ZPBP: variants seen among roughly 807,000 people sequenced by gnomAD.
The protein encoded by ZPBP is zona pellucida binding protein.
Under a neutral mutation model 44.8 loss-of-function variants are expected in ZPBP, and 26 were observed. That is an observed-to-expected ratio of 0.58 (90% confidence interval 0.43 to 0.81). ZPBP has a LOEUF of 0.81. ZPBP is among the 30% of genes least tolerant of loss of function. The probability of loss-of-function intolerance (pLI) is 0.00; values close to 1 mark genes in which losing one functional copy is unlikely to be tolerated. For synonymous variants in ZPBP, 174 were observed against 153.2 expected (o/e 1.14, Z -1.00); for missense variants, 409 against 434.0 (o/e 0.94, Z 0.51).
chr7:50,038,385 G>A (rs1403044496), intron 4 of ZPBP, among the ~76,000 whole-genome samples: 2 of 152,210 alleles, frequency 1.3e-5, no homozygotes, highest in Non-Finnish European at 2.9e-5. Context: ...GCAACACAGA[G>A]TCACCTAGGA....
intron 2 of ZPBP, among the ~76,000 whole-genome samples, chr7:49,855,669 C>T (rs1790387940): frequency 6.6e-6 from 1 of 152,116 alleles, no homozygotes; most frequent in East Asian, 1.9e-4. Context: ...TTTCTGGGGG[C>T]CTTGTGGTGG....
intron 2 of ZPBP, among the ~76,000 whole-genome samples, chr7:49,855,275 T>C (rs1309189038): frequency 6.6e-6 from 1 of 152,218 alleles, no homozygotes; most frequent in Non-Finnish European, 1.5e-5. Context: ...GGTCATAGTT[T>C]ATGGACGGTG....
chr7:49,859,784 G>A (rs1429790125), intron 2 of ZPBP, among the ~76,000 whole-genome samples: 7 of 71,482 alleles, frequency 9.8e-5, no homozygotes, highest in African/African-American at 3.4e-4. Flanking sequence ...TACAGTGCGC[G>A]TGCGTGCACA....
At chr7:49,846,389 C>T (rs1050253621), downstream of ZPBP, among the ~76,000 whole-genome samples, 10 of 152,338 alleles carry the variant, frequency 6.6e-5, no homozygotes, top group African/African-American at 2.4e-4. Flanking sequence ...GCTCCCAGAA[C>T]TACATGCAGG....
At chr7:49,865,396 G>C (rs759782271) in intron 2 of ZPBP, among the ~76,000 whole-genome samples, 2 of 152,228 alleles carry the variant, frequency 1.3e-5, no homozygotes, top group Admixed American at 6.5e-5. Context: ...CATGAGCACT[G>C]AATCAATTAG....
intron 3 of ZPBP, among the ~76,000 whole-genome samples, chr7:50,059,377 A>G (rs983694535): frequency 1.3e-5 from 2 of 152,198 alleles, no homozygotes; most frequent in African/African-American, 2.4e-5. Context: ...CCACCCTCAA[A>G]TAATTTACAT....
At chr7:50,062,306 T>C (rs746207396) in intron 3 of ZPBP, among the ~76,000 whole-genome samples, 4 of 152,154 alleles carry the variant, frequency 2.6e-5, no homozygotes, top group Admixed American at 6.6e-5. Flanking sequence ...AAATTTTTCA[T>C]AGATTAGAAA....
intron 7 of ZPBP, among the ~76,000 whole-genome samples, chr7:49,942,099 A>T (rs1794912053): frequency 6.6e-6 from 1 of 152,188 alleles, no homozygotes; most frequent in Admixed American, 6.6e-5. Context: ...CATATACAAA[A>T]ATTAACTCAA....
intron 7 of ZPBP, among the ~76,000 whole-genome samples, chr7:49,939,076 G>A (rs6583404): frequency 0.75 from 113,412 of 152,082 alleles, 42,534 homozygotes; most frequent in East Asian, 0.89. Flanking sequence ...AACAGTATTT[G>A]AATTGGTAAT....
At chr7:49,945,012 T>C (rs1483085) in intron 7 of ZPBP, among the ~76,000 whole-genome samples, 118,228 of 152,034 alleles carry the variant, frequency 0.78, 46,138 homozygotes, top group East Asian at 0.89. Context: ...GTACTGCTTT[T>C]GCTGTATCCC....
At chr7:49,962,284 T>C (rs898387528) in intron 7 of ZPBP, among the ~76,000 whole-genome samples, 2 of 151,878 alleles carry the variant, frequency 1.3e-5, no homozygotes, top group African/African-American at 4.8e-5. Context: ...ATTAAAAATA[T>C]ATTTTTAAAT....
At position 49,900,327 on chromosome 7, in the gene ZPBP, T is replaced by A. The variant is rs551959387; in HGVS notation, n.509+791A>T. 2.1e-4 allele frequency among the ~76,000 whole-genome samples: 32 copies of A among 151,806 alleles called. No individual in the cohort carries two copies. In the East Asian group the frequency reaches 5.8e-3, roughly 28 times the overall value. On this transcript the variant is annotated intron_variant and non_coding_transcript_variant, in intron 2 of 2. Coordinates refer to the ZPBP transcript ENST00000465922. ...CCAAAGAAAATAAATGGAGCAGTAA[T>A]CTATTAATTTAAAACAGGAAAACAA...
intron 7 of ZPBP, among the ~76,000 whole-genome samples, chr7:49,964,725 T>C (rs1795993270): frequency 6.6e-6 from 1 of 152,134 alleles, no homozygotes; most frequent in Admixed American, 6.6e-5. Flanking sequence ...CCAAATGGCA[T>C]GTTCCAAAGA....
At chr7:49,973,111 T>C (rs775324877) in intron 7 of ZPBP, among the ~76,000 whole-genome samples, 9 of 151,964 alleles carry the variant, frequency 5.9e-5, no homozygotes, top group African/African-American at 1.9e-4. Flanking sequence ...ACTTTAAAAC[T>C]CTTAGAAAGC....
intron 4 of ZPBP, among the ~76,000 whole-genome samples, chr7:50,032,134 T>C (rs1276920928): frequency 6.6e-6 from 1 of 152,314 alleles, no homozygotes; most frequent in South Asian, 2.1e-4. Context: ...ATCTTTGTAT[T>C]TGGAGTAGAG....
chr7:49,917,049 A>T (rs1414266978), intron 1 of ZPBP: 1 of 152,168 alleles, frequency 6.6e-6, no homozygotes, highest in African/African-American at 2.4e-5. Context: ...TAATTTTTGG[A>T]AAACAATTTT....
In ZPBP at chr7:49,853,649, G is replaced by T. The variant is rs184825534; in HGVS notation, n.510-3135C>A. On this transcript the variant is annotated intron_variant and non_coding_transcript_variant, in intron 2 of 2. Transcript: ENST00000465922. ...CGTAACATAAAGTATGTTTATGAAC[G>T]TTTGTTTTTCTTCTTGTCATTTATT... Among the ~76,000 whole-genome samples the T allele has an allele frequency of 2.0e-5, 3 of 151,762 alleles. No homozygotes were observed. The East Asian group carries it at 5.8e-4, about 29-fold the overall frequency.
At chr7:49,972,411 C>T (rs1796336855) in intron 7 of ZPBP, among the ~76,000 whole-genome samples, 1 of 151,910 alleles carries the variant, frequency 6.6e-6, no homozygotes, top group Non-Finnish European at 1.5e-5. Flanking sequence ...ACAAAATCAA[C>T]TTGCAACAAC....
At chr7:49,978,821 G>C (rs1796644731) in intron 7 of ZPBP, among the ~76,000 whole-genome samples, 1 of 151,760 alleles carries the variant, frequency 6.6e-6, no homozygotes, top group Non-Finnish European at 1.5e-5. Flanking sequence ...GTATCTTTTT[G>C]AGTAGTTATA....
Sources: gnomAD v4.1 joint callset for allele counts (sites outside exome capture counted in the v4.1 genomes callset) on GRCh38, gnomAD v4.1.1 for gene constraint, MANE v1.5 for transcripts, NCBI Gene and HGNC (gene_info 2026-07-23, HGNC 2026-07-21) for gene names.